FRMD3: variants seen among roughly 807,000 people sequenced by gnomAD.
FRMD3 encodes the protein FERM domain containing 3.
FRMD3 carries 33 observed loss-of-function variants against 70.2 expected under a neutral mutation model. The ratio of observed to expected loss-of-function variants is 0.47; its 90% confidence interval spans 0.36 to 0.63. The LOEUF (loss-of-function observed/expected upper bound fraction) is 0.63. Among genes scored for constraint, FRMD3 ranks in the 20% least tolerant of loss-of-function variants. The probability of loss-of-function intolerance (pLI) is 0.00; values close to 1 mark genes in which losing one functional copy is unlikely to be tolerated. For missense variants in FRMD3, 632 were observed against 711.4 expected (o/e 0.89, Z 1.27); for synonymous variants, 279 against 255.9 (o/e 1.09, Z -0.86).
chr9:83,553,206 G>A, the FRMD3 span, among the ~76,000 whole-genome samples: 25 of 152,224 alleles, frequency 1.6e-4, no homozygotes, highest in African/African-American at 6.0e-4. Flanking sequence ...TATCTGAAAC[G>A]ATCTTATTTT....
At chr9:83,313,484 G>A (rs906995362) in intron 7 of FRMD3, among the ~76,000 whole-genome samples, 176 bp downstream of exon 7, 2 of 152,220 alleles carry the variant, frequency 1.3e-5, no homozygotes, top group Non-Finnish European at 2.9e-5. Context: ...AGACTCCAAT[G>A]GAGAAAATCA....
intron 1 of FRMD3, among the ~76,000 whole-genome samples, chr9:83,493,109 G>A (rs762014447): frequency 6.6e-6 from 1 of 152,058 alleles, no homozygotes; most frequent in African/African-American, 2.4e-5. Flanking sequence ...TCCCCAAAAA[G>A]CCGCTGACCT....
chr9:83,301,602 G>A lies in FRMD3; in HGVS notation c.927-2416C>T, dbSNP rs11140016. ...AACACTTTGCCCATTCTACAGAAGC[G>A]ACACGTGAAGCCGGCAAAGCCGGCG... On this transcript the variant is annotated intron_variant, in intron 10 of 13. Transcript: ENST00000304195. 2.5e-3 allele frequency among the ~76,000 whole-genome samples: 382 copies of A among 152,072 alleles called. 10 individuals carry two copies. The East Asian group carries it at 0.061, about 24-fold the overall frequency.
chr9:83,264,311 G>A (rs539205918), intron 13 of FRMD3, among the ~76,000 whole-genome samples: 2 of 152,302 alleles, frequency 1.3e-5, no homozygotes, highest in African/African-American at 4.8e-5. Flanking sequence ...ATTAGGGGAA[G>A]AGAGAGAGAA....
the FRMD3 span, among the ~76,000 whole-genome samples, chr9:83,545,356 GTTTTTTTTTTT>G: frequency 8.5e-6 from 1 of 117,616 alleles, no homozygotes; most frequent in Non-Finnish European, 1.7e-5. Context: ...GTTTTTTTTT[GTTTTTTTTTTT>G]TTTTTTTTGA....
At chr9:83,297,918 C>A (rs1049480219) in intron 12 of FRMD3, 8 of 455,154 alleles carry the variant, frequency 1.8e-5, no homozygotes, top group African/African-American at 4.0e-5. Flanking sequence ...TTCTGTGGGA[C>A]CACAGCCTCC....
At chr9:83,332,398 C>A (rs1254697934) in intron 6 of FRMD3, among the ~76,000 whole-genome samples, 1 of 151,940 alleles carries the variant, frequency 6.6e-6, no homozygotes, top group Non-Finnish European at 1.5e-5. Flanking sequence ...CTCTCTCTCT[C>A]CCCCCACCAT....
chr9:83,492,628 C>G (rs917042785), intron 1 of FRMD3, among the ~76,000 whole-genome samples: 1 of 152,188 alleles, frequency 6.6e-6, no homozygotes, highest in Non-Finnish European at 1.5e-5. Flanking sequence ...ACCGGGGCCT[C>G]TGGGGGGCAG....
At chr9:83,581,367 G>C in the FRMD3 span, among the ~76,000 whole-genome samples, 1 of 152,128 alleles carries the variant, frequency 6.6e-6, no homozygotes. Context: ...ATGAAGAGAT[G>C]CTCAACTTCC....
intron 1 of FRMD3, among the ~76,000 whole-genome samples, chr9:83,473,877 T>A (rs1346557758): frequency 6.6e-6 from 1 of 152,172 alleles, no homozygotes; most frequent in East Asian, 1.9e-4. Flanking sequence ...TTGGGGCAGA[T>A]GTAACTATAC....
intron 1 of FRMD3, among the ~76,000 whole-genome samples, chr9:83,507,366 CAAAAA>C (rs61570991): frequency 1.3e-4 from 6 of 46,766 alleles, no homozygotes; most frequent in African/African-American, 4.8e-4. Context: ...GACTCCGTCT[CAAAAA>C]AAAAAAAAAA....
Position 83,330,017 on chromosome 9 carries a change from C to T in FRMD3, c.596+5499G>A, listed in dbSNP as rs978285161. Among the ~76,000 whole-genome samples the T allele has an allele frequency of 5.9e-5, 9 of 152,244 alleles. No individual in the cohort carries two copies. In the Middle Eastern group the frequency reaches 0.01, roughly 173 times the overall value. On this transcript the variant is annotated intron_variant, in intron 6 of 13. Coordinates refer to ENST00000304195, the MANE Select transcript of FRMD3 (RefSeq NM_174938.6). ...CTAACGGAATGGGTATTTCCTCTTA[C>T]CCCAGGTGGCTTTGATTAAAGCTGT...
chr9:83,413,042 GA>G (rs958037433), intron 1 of FRMD3, among the ~76,000 whole-genome samples: 16 of 151,924 alleles, frequency 1.1e-4, no homozygotes, highest in Middle Eastern at 3.4e-3. Flanking sequence ...AGAAAGATAA[GA>G]AAAAGAAAAA....
intron 3 of FRMD3, among the ~76,000 whole-genome samples, chr9:83,371,909 A>G (rs1394105260): frequency 2.0e-5 from 3 of 152,216 alleles, no homozygotes; most frequent in African/African-American, 7.2e-5. Context: ...GAAGAAAGTT[A>G]AAGAAGAGAT....
Position 83,517,720 on chromosome 9 carries a change from T to A in FRMD3, c.147+20365A>T, listed in dbSNP as rs368951164. Among the ~76,000 whole-genome samples the A allele has an allele frequency of 1.5e-4, 23 of 152,246 alleles. No homozygotes were observed. In the South Asian group the frequency reaches 4.1e-3, roughly 27 times the overall value. ...TTCAGGCCAATATCCCTTATGAACA[T>A]TGATGCGAAAATCCTCAATAAAATA... On this transcript the variant is annotated intron_variant, in intron 1 of 13. Transcript: ENST00000304195.
chr9:83,441,107 C>CA (rs1827281652), intron 1 of FRMD3, among the ~76,000 whole-genome samples: 2 of 152,202 alleles, frequency 1.3e-5, no homozygotes, highest in South Asian at 4.1e-4. Context: ...AATGCCCCAA[C>CA]AGACCCTCAT....
intron 3 of FRMD3, among the ~76,000 whole-genome samples, chr9:83,371,557 C>T (rs531696455): frequency 2.6e-4 from 40 of 152,338 alleles, no homozygotes; most frequent in Non-Finnish European, 4.7e-4. Flanking sequence ...CCTCCTGATC[C>T]GCCTGCCTCA....
At chr9:83,509,216 T>C (rs556875778) in intron 1 of FRMD3, among the ~76,000 whole-genome samples, 1 of 152,332 alleles carries the variant, frequency 6.6e-6, no homozygotes, top group East Asian at 1.9e-4. Context: ...ATGTGTTGAA[T>C]TGATGAGCAC....
intron 2 of FRMD3, among the ~76,000 whole-genome samples, chr9:83,378,228 G>A (rs1230171823): frequency 6.6e-6 from 1 of 150,494 alleles, no homozygotes; most frequent in African/African-American, 2.4e-5. Context: ...TACCATGGCA[G>A]TTTCCATGAG....
Sources: gnomAD v4.1 joint callset for allele counts (sites outside exome capture counted in the v4.1 genomes callset) on GRCh38, gnomAD v4.1.1 for gene constraint, MANE v1.5 for transcripts, NCBI Gene and HGNC (gene_info 2026-07-23, HGNC 2026-07-21) for gene names.